NETO2: variants seen among roughly 807,000 people sequenced by gnomAD.
NETO2 encodes the protein neuropilin and tolloid like 2, also known as neuropilin and tolloid-like protein 2.
Under a neutral mutation model 62.5 loss-of-function variants are expected in NETO2, and 28 were observed. The observed-to-expected ratio is 0.45, with a 90% confidence interval of 0.33 to 0.61. The LOEUF is 0.61. NETO2 is among the 20% of genes least tolerant of loss of function. The probability of loss-of-function intolerance (pLI) is 0.02; values close to 1 mark genes in which losing one functional copy is unlikely to be tolerated. For synonymous variants in NETO2, 214 were observed against 219.1 expected (o/e 0.98, Z 0.21); for missense variants, 548 against 643.2 (o/e 0.85, Z 1.60).
chr16:47,094,551 G>A (rs945360894), intron 7 of NETO2, among the ~76,000 whole-genome samples: 3 of 150,914 alleles, frequency 2.0e-5, no homozygotes, highest in Non-Finnish European at 4.4e-5. Flanking sequence ...CCAGCCTATC[G>A]AGTAGCTGGG....
chr16:47,115,798 T>C (rs1364564445), intron 6 of NETO2, among the ~76,000 whole-genome samples: 1 of 149,614 alleles, frequency 6.7e-6, no homozygotes, highest in African/African-American at 2.5e-5. Flanking sequence ...CTTGAACTCC[T>C]GAGTTCAAGC....
At chr16:47,139,067 T>G (rs9935641) in intron 1 of NETO2, among the ~76,000 whole-genome samples, 18,207 of 152,154 alleles carry the variant, frequency 0.12, 2,371 homozygotes, top group African/African-American at 0.33. Flanking sequence ...GTATTTTGAG[T>G]CTTGTTGGTT....
Position 47,086,214 on chromosome 16 carries a change from C to T in NETO2, c.997+12G>A, listed in dbSNP as rs1200994734. On this transcript the variant is annotated intron_variant, in intron 8 of 8. Transcript: ENST00000562435. ...CTTTTCTCAAAAATGTTGGCCTTTA[C>T]ATCAAACTCACCTTTACAATGATTT... The T allele has an allele frequency of 6.6e-7, 1 of 1,511,820 alleles. No individual in the cohort carries two copies. The highest frequency in any genetic ancestry group is 1.1e-5 in the South Asian group (1 of 88,946). 93.7% of individuals were successfully genotyped at this position (1,511,820 alleles called of 1,614,324 possible). A position where few individuals can be genotyped will look rare whatever the true frequency, so the allele number is the denominator to read the frequency against.
rs1963050505 is a variant in NETO2, at chr16:47,080,928, A to C, written c.*2293T>G. ...TGTGAAAAGCAAAAAGTGTTTTAGC[A>C]GCCAGAAAATTCAGAACCAAACTTA... On this transcript the variant is annotated 3_prime_UTR_variant, in exon 9 of 9. Coordinates refer to ENST00000562435, the MANE Select transcript of NETO2 (RefSeq NM_018092.5). 1 of 152,220 alleles carries C rather than the reference A, an allele frequency of 6.6e-6. No individual in the cohort carries two copies. Among genetic ancestry groups the C allele is most frequent in the Non-Finnish European group, 1.5e-5 (1 of 68,014 alleles). The allele number at this position is 152,220 out of a possible 1,614,324, so 9.4% of individuals were successfully genotyped here. A position where few individuals can be genotyped will look rare whatever the true frequency, so the allele number is the denominator to read the frequency against.
chr16:47,135,104 A>C (rs1964340814), intron 1 of NETO2, among the ~76,000 whole-genome samples: 1 of 152,232 alleles, frequency 6.6e-6, no homozygotes, highest in Non-Finnish European at 1.5e-5. Flanking sequence ...TACAGTTGTG[A>C]CTATTAATCC....
intron 7 of NETO2, among the ~76,000 whole-genome samples, chr16:47,105,744 C>A (rs1963661060): frequency 6.6e-6 from 1 of 152,192 alleles, no homozygotes; most frequent in South Asian, 2.1e-4. Context: ...CATTACTAAT[C>A]ATTAGGCAAA....
intron 6 of NETO2, among the ~76,000 whole-genome samples, chr16:47,114,947 AT>A (rs796122362): frequency 3.0e-4 from 44 of 148,750 alleles, no homozygotes; most frequent in Admixed American, 1.4e-3. Context: ...GTGAGGGTTC[AT>A]TTTTTTTTTC....
intron 7 of NETO2, among the ~76,000 whole-genome samples, chr16:47,094,062 C>T (rs1321425383): frequency 1.3e-5 from 2 of 152,108 alleles, no homozygotes; most frequent in African/African-American, 4.8e-5. Context: ...ATTCTTCATA[C>T]AGGAGATGAA....
Position 47,083,354 on chromosome 16 carries a change from C to G in NETO2, c.1445G>C (p.Ser482Thr). The G allele has an allele frequency of 6.2e-7, 1 of 1,614,230 alleles. No individual in the cohort carries two copies. The highest frequency in any genetic ancestry group is 8.5e-7 in the Non-Finnish European group (1 of 1,180,048). ...KTFNSTFKKSSYTFKQGHECP... is the reference protein window; with the variant it reads ...KTFNSTFKKSTYTFKQGHECP... ...CTCATGTCCCTGTTTGAAAGTGTAA[C>G]TACTTTTCTTGAAGGTGCTATTAAA... The change falls in exon 9 of 9, where the codon AGT becomes ACT. Residue 482 changes from serine (S) to threonine (T), a missense_variant. By Grantham distance (58) the Ser-to-Thr change is moderately conservative (BLOSUM62 1). Coordinates refer to ENST00000562435, the MANE Select transcript of NETO2 (RefSeq NM_018092.5).
chr16:47,108,560 T>C lies in NETO2; in HGVS notation c.883+923A>G, dbSNP rs114374561. ...CCTCAATGGAATCCCTAAGAAACAT[T>C]AGACAAACCCAAACTGATGGACATT... On this transcript the variant is annotated intron_variant, in intron 7 of 8. Coordinates refer to ENST00000562435, the MANE Select transcript of NETO2 (RefSeq NM_018092.5). Among the ~76,000 whole-genome samples the C allele has an allele frequency of 5.4e-3, 820 of 152,278 alleles. 6 individuals carry two copies. The highest frequency in any genetic ancestry group is 0.019 in the African/African-American group (786 of 41,556).
rs945398960 is a variant in NETO2, at chr16:47,131,980, T to C, written c.80A>G (p.Gln27Arg). 8.1e-6 allele frequency: 13 copies of C among 1,612,606 alleles called. No individual in the cohort carries two copies. Among genetic ancestry groups the C allele is most frequent in the Non-Finnish European group, 1.1e-5 (13 of 1,178,854 alleles). ...VLVVEGIAVAQKTQDGQNIGI... is the reference protein window; with the variant it reads ...VLVVEGIAVARKTQDGQNIGI... ...TGTAAGTACTTTACCTTGGGTTTTT[T>C]GGGCCACGGCAATCCCTTCCACTAC... is the stretch of plus-strand genomic sequence containing the variant. The change falls in exon 2 of 9, where the codon CAA becomes CGA. Residue 27 changes from glutamine to arginine, a missense_variant. Physicochemically the swap from Gln to Arg is conservative, Grantham distance 43. Transcript: ENST00000562435.
rs545641050 is a variant in NETO2, at chr16:47,081,055, A to C, written c.*2166T>G. On this transcript the variant is annotated 3_prime_UTR_variant, in exon 9 of 9. Coordinates refer to ENST00000562435, the MANE Select transcript of NETO2 (RefSeq NM_018092.5). ...GCTCTGTATTTTGTAGGCCTCTTCA[A>C]GACCTTATAAATAGAAATCAAATTT... 32 of 152,294 alleles carry C rather than the reference A, an allele frequency of 2.1e-4. No individual in the cohort carries two copies. The highest frequency in any genetic ancestry group is 7.5e-4 in the African/African-American group (31 of 41,580). The allele number at this position is 152,294 out of a possible 1,614,324, so 9.4% of individuals were successfully genotyped here.
chr16:47,081,347 G>T lies in NETO2; in HGVS notation c.*1874C>A, dbSNP rs1162243549. On this transcript the variant is annotated 3_prime_UTR_variant, in exon 9 of 9. Coordinates refer to ENST00000562435, the MANE Select transcript of NETO2 (RefSeq NM_018092.5). The stretch of plus-strand genomic sequence containing the variant: ...CTACTGAAAAAACTTAGCTGTCTCT[G>T]GTATTAGTTCATTGAATATTATATG... 1 of 151,936 alleles carries T rather than the reference G, an allele frequency of 6.6e-6. No homozygotes were observed. The highest frequency in any genetic ancestry group is 2.4e-5 in the African/African-American group (1 of 41,380). The allele number at this position is 151,936 out of a possible 1,614,324, so 9.4% of individuals were successfully genotyped here. A position where few individuals can be genotyped will look rare whatever the true frequency, so the allele number is the denominator to read the frequency against.
rs111653053 is a variant in NETO2 at position 47,087,292 on chromosome 16, G to A, written c.884-953C>T. ...ACCTGCTTTGGCCTCCCAAAGCGCTGGGATTACAGGTGTGAGCCACCGTGC... is the reference window on the plus strand; with the variant it reads ...ACCTGCTTTGGCCTCCCAAAGCGCTAGGATTACAGGTGTGAGCCACCGTGC... On this transcript the variant is annotated intron_variant, in intron 7 of 8. Transcript: ENST00000562435. Among the ~76,000 whole-genome samples, 309 of 152,214 alleles carry A rather than the reference G, an allele frequency of 2.0e-3. 4 individuals carry two copies. Among genetic ancestry groups the A allele is most frequent in the African/African-American group, 7.1e-3 (294 of 41,552 alleles).
intron 6 of NETO2, among the ~76,000 whole-genome samples, chr16:47,115,714 C>CATATATATATATATATATGTGTATAT (rs918750034): frequency 7.8e-6 from 1 of 128,504 alleles, no homozygotes; most frequent in African/African-American, 3.5e-5. Context: ...TATATATATA[C>CATATATATATATATATATGTGTATAT]ATATATATAT....
At chr16:47,131,099 A>T (rs1210732757) in intron 2 of NETO2, among the ~76,000 whole-genome samples, 6 of 152,132 alleles carry the variant, frequency 3.9e-5, no homozygotes, top group African/African-American at 1.4e-4. Context: ...GATTTCCTAA[A>T]GATAAAATTC....
At chr16:47,104,392 T>C (rs1433911556) in intron 7 of NETO2, among the ~76,000 whole-genome samples, 1 of 152,202 alleles carries the variant, frequency 6.6e-6, no homozygotes. Flanking sequence ...GAAAAATCAA[T>C]GGGAATATAC....
At chr16:47,135,460 C>T (rs1222673835) in intron 1 of NETO2, among the ~76,000 whole-genome samples, 2 of 152,176 alleles carry the variant, frequency 1.3e-5, no homozygotes, top group Non-Finnish European at 2.9e-5. Context: ...TTTGATTGTA[C>T]AGAGAACTGC....
chr16:47,116,446 T>C (rs1389277537), intron 6 of NETO2, among the ~76,000 whole-genome samples: 1 of 152,244 alleles, frequency 6.6e-6, no homozygotes, highest in Non-Finnish European at 1.5e-5. Context: ...ATTTTTCAAA[T>C]GTTGAACCAG....
Sources: gnomAD v4.1 joint callset for allele counts (sites outside exome capture counted in the v4.1 genomes callset) on GRCh38, gnomAD v4.1.1 for gene constraint, MANE v1.5 for transcripts, NCBI Gene and HGNC (gene_info 2026-07-23, HGNC 2026-07-21) for gene names.